The following DMD variants were observed in gnomAD, a reference collection of about 807,000 sequenced individuals.
DMD encodes the protein dystrophin, also known as mutant dystrophin.
A neutral mutation model predicts 330.1 loss-of-function variants in DMD; 63 were observed. That is an observed-to-expected ratio of 0.19 (90% CI 0.16 to 0.24). DMD has a LOEUF of 0.24. Ranked by LOEUF, DMD falls within the 10% of genes least tolerant of loss-of-function variation. The pLI is 1.00. For synonymous variants in DMD, 1,223 were observed against 959.8 expected (o/e 1.27, Z -5.07); for missense variants, 3,344 against 2,684.1 (o/e 1.25, Z -5.43).
intron 7 of DMD, among the ~76,000 whole-genome samples, chrX:32,783,771 CCA>C (rs1344404059): frequency 9.0e-6 from 1 of 110,825 alleles, no homozygotes; most frequent in Non-Finnish European, 1.9e-5. Context: ...ACTTAAGCAT[CCA>C]CAGATTTTAG....
chrX:31,241,445 A>G (rs922089030), intron 63 of DMD, among the ~76,000 whole-genome samples: 1 of 112,197 alleles, frequency 8.9e-6, no homozygotes, highest in Non-Finnish European at 1.9e-5. Flanking sequence ...GCCACCAAAA[A>G]TAAATTTTTC....
chrX:32,025,721 ATGATTTTTACC>A (rs757344184), intron 44 of DMD, among the ~76,000 whole-genome samples: 2 of 111,858 alleles, frequency 1.8e-5, no homozygotes, highest in Non-Finnish European at 3.8e-5. Context: ...TGTCTGCAAT[ATGATTTTTACC>A]TGAGAAGTGT....
chrX:33,179,782 A>T (rs968679524), intron 1 of DMD, among the ~76,000 whole-genome samples: 9 of 111,302 alleles, frequency 8.1e-5, no homozygotes, highest in Non-Finnish European at 1.5e-4. Flanking sequence ...AATAAAGCCA[A>T]TCAGCATACC....
chrX:31,603,703 C>G (rs1373915396), intron 55 of DMD, among the ~76,000 whole-genome samples: 1 of 111,974 alleles, frequency 8.9e-6, no homozygotes, highest in Non-Finnish European at 1.9e-5. Flanking sequence ...GATTTAAGTC[C>G]TTTTGTACAG....
rs1425243392 is a variant in DMD, at chrX:33,257,070, T to C, written c.7+82189A>G. On this transcript the variant is annotated intron_variant, in intron 1 of 17. Coordinates refer to the DMD transcript ENST00000288447. The stretch of plus-strand genomic sequence containing the variant: ...TTTCAGAAAGCCATACTTGCTCTTT[T>C]GGTGTGATCAAGGGGTTTCTGGAGA... 5.4e-5 allele frequency among the ~76,000 whole-genome samples: 6 copies of C among 110,567 alleles called. No individual in the cohort carries two copies. In the East Asian group the frequency reaches 8.5e-4, roughly 16 times the overall value.
At chrX:32,379,025 T>C (rs917782624) in intron 34 of DMD, among the ~76,000 whole-genome samples, 8 of 78,105 alleles carry the variant, frequency 1.0e-4, no homozygotes, top group Non-Finnish European at 2.4e-5. Flanking sequence ...AATGAGAACC[T>C]TCCAAATAAA....
intron 26 of DMD, 102 bp downstream of exon 26, chrX:32,454,560 C>G: frequency 4.6e-6 from 3 of 652,197 alleles, no homozygotes; most frequent in Non-Finnish European, 6.9e-6. Flanking sequence ...TCTCTTAGAA[C>G]CAGGAAAGAG....
chrX:31,859,237 CAGG>C, intron 48 of DMD, among the ~76,000 whole-genome samples: 1 of 111,147 alleles, frequency 9.0e-6, no homozygotes, highest in African/African-American at 3.3e-5. Flanking sequence ...TGGAGAGGAG[CAGG>C]AGGAGAGCAA....
chrX:32,658,817 T>C (rs1464825491), intron 9 of DMD, among the ~76,000 whole-genome samples: 1 of 111,764 alleles, frequency 8.9e-6, no homozygotes, highest in African/African-American at 3.3e-5. Flanking sequence ...TCGGGAAACT[T>C]TAAGTCGGCC....
chrX:32,484,836 T>C, intron 21 of DMD, 83 bp downstream of exon 21: 1 of 1,006,073 alleles, frequency 9.9e-7, no homozygotes, highest in Non-Finnish European at 1.4e-6. Flanking sequence ...GAAATTATTG[T>C]TTCATGTTAG....
intron 67 of DMD, among the ~76,000 whole-genome samples, chrX:31,196,293 T>C (rs145286517): frequency 3.6e-4 from 40 of 111,432 alleles, no homozygotes; most frequent in Middle Eastern, 9.3e-3. Flanking sequence ...GGAAGGCTGA[T>C]TGGACTATTA....
intron 44 of DMD, among the ~76,000 whole-genome samples, chrX:32,041,695 C>T (rs1424405466): frequency 3.6e-5 from 4 of 110,485 alleles, no homozygotes; most frequent in African/African-American, 1.3e-4. Flanking sequence ...AAATGATAGC[C>T]CTCGTACATG....
chrX:32,727,700 TTAAATA>T (rs1160253217), intron 7 of DMD, among the ~76,000 whole-genome samples: 4 of 111,125 alleles, frequency 3.6e-5, no homozygotes, highest in Non-Finnish European at 5.7e-5. Context: ...TGATTTTCTC[TTAAATA>T]TAAAGGTTTC....
chrX:32,289,155 G>A (rs989473873), intron 42 of DMD, among the ~76,000 whole-genome samples: 1 of 111,342 alleles, frequency 9.0e-6, no homozygotes, highest in African/African-American at 3.3e-5. Context: ...CTTACTCAAT[G>A]TTTTCTTAGA....
rs745596926 is a variant in DMD, at chrX:31,656,365, C to T, written c.8027+1625G>A. ...CTTGATAAAACAATTTTTTAAAAAA[C>T]TGAGAGAGTGGCTTGGGCCATCAAG... On this transcript the variant is annotated intron_variant, in intron 54 of 78. Transcript: ENST00000357033. Among the ~76,000 whole-genome samples the T allele has an allele frequency of 2.7e-5, 3 of 111,943 alleles. No homozygotes were observed. The South Asian group carries it at 1.1e-3, about 42-fold the overall frequency.
intron 29 of DMD, among the ~76,000 whole-genome samples, chrX:32,438,039 G>A (rs1204721598): frequency 8.9e-6 from 1 of 111,830 alleles, no homozygotes; most frequent in Non-Finnish European, 1.9e-5. Flanking sequence ...TGCCTTTTAA[G>A]AATCCTAACT....
At chrX:32,597,533 C>A (rs1313714968) in intron 12 of DMD, among the ~76,000 whole-genome samples, 2 of 111,667 alleles carry the variant, frequency 1.8e-5, no homozygotes, top group Admixed American at 1.9e-4. Flanking sequence ...CTAACCTCAA[C>A]AGAAAATAAC....
intron 62 of DMD, among the ~76,000 whole-genome samples, chrX:31,280,466 A>G (rs1306176267): frequency 1.8e-5 from 2 of 111,596 alleles, no homozygotes; most frequent in Non-Finnish European, 3.8e-5. Context: ...TGACCTGCAA[A>G]GGGGCACAAG....
At chrX:32,177,059 T>C (rs1352403736) in intron 44 of DMD, among the ~76,000 whole-genome samples, 3 of 111,361 alleles carry the variant, frequency 2.7e-5, no homozygotes, top group Admixed American at 9.6e-5. Flanking sequence ...AATTCAACTC[T>C]GCAATCGTTC....
Sources: allele counts gnomAD v4.1 joint callset (sites outside exome capture counted in the v4.1 genomes callset), GRCh38; gene constraint gnomAD v4.1.1; transcripts MANE v1.5; gene names NCBI Gene and HGNC (gene_info 2026-07-23, HGNC 2026-07-21).